Variants in GARIN2 observed in about 807,000 individuals in gnomAD.
GARIN2 encodes golgi associated RAB2 interactor family member 2.
At chr14:67,208,406 A>G in the GARIN2 span, 1 of 1,614,018 alleles carries the variant, frequency 6.2e-7, no homozygotes, top group Admixed American at 1.7e-5. Flanking sequence ...TGAAGAAAAG[A>G]TGCCTGATTT....
the GARIN2 span, among the ~76,000 whole-genome samples, chr14:67,195,268 T>C: frequency 1.8e-4 from 27 of 152,336 alleles, no homozygotes; most frequent in Non-Finnish European, 3.5e-4. Context: ...GACCCAGTCG[T>C]GGCTGCAAAT....
At chr14:67,204,405 GCA>G in the GARIN2 span, 1 of 1,289,224 alleles carries the variant, frequency 7.8e-7, no homozygotes, top group African/African-American at 1.5e-5. Context: ...CATCACCACT[GCA>G]CTCCAACGTG....
chr14:67,224,082 A>C, the GARIN2 span: 2 of 810,012 alleles, frequency 2.5e-6, no homozygotes, highest in Non-Finnish European at 3.0e-6. Flanking sequence ...CATGATCTCA[A>C]ATTCATCTCT....
the GARIN2 span, among the ~76,000 whole-genome samples, chr14:67,223,099 A>G: frequency 6.7e-6 from 1 of 148,994 alleles, no homozygotes; most frequent in South Asian, 2.1e-4. Context: ...TCCTGGGTTC[A>G]AGTGATTCCC....
At chr14:67,224,122 A>AT in the GARIN2 span, 4 of 556,206 alleles carry the variant, frequency 7.2e-6, no homozygotes, top group Non-Finnish European at 9.1e-6. Context: ...CGAAAGTTAA[A>AT]TTTTTTTTCT....
At chr14:67,226,282 C>A in the GARIN2 span, among the ~76,000 whole-genome samples, 1 of 152,194 alleles carries the variant, frequency 6.6e-6, no homozygotes. Context: ...ACCTCTGCCT[C>A]CTGGGTTCAA....
At chr14:67,208,094 C>A in the GARIN2 span, 2 of 1,461,352 alleles carry the variant, frequency 1.4e-6, no homozygotes, top group Non-Finnish European at 1.8e-6. Context: ...CTCACGGGTG[C>A]TCAGTGACGA....
the GARIN2 span, among the ~76,000 whole-genome samples, chr14:67,216,396 A>C: frequency 6.6e-6 from 1 of 151,622 alleles, no homozygotes; most frequent in South Asian, 2.1e-4. Flanking sequence ...TTCAGTCTCC[A>C]TTTCATTTAT....
the GARIN2 span, chr14:67,199,465 C>A: frequency 6.2e-7 from 1 of 1,612,874 alleles, no homozygotes; most frequent in Non-Finnish European, 8.5e-7. Context: ...TTATGTGGGA[C>A]CCTGACACAG....
the GARIN2 span, chr14:67,224,497 T>A: frequency 5.9e-6 from 1 of 170,194 alleles, no homozygotes; most frequent in African/African-American, 2.4e-5. Flanking sequence ...CCTGACCTCA[T>A]GATCCGCCCA....
chr14:67,220,379 C>G, the GARIN2 span, among the ~76,000 whole-genome samples: 1 of 151,620 alleles, frequency 6.6e-6, no homozygotes, highest in Non-Finnish European at 1.5e-5. Context: ...GAGGTCAAGG[C>G]TGCAAAGAGC....
the GARIN2 span, among the ~76,000 whole-genome samples, chr14:67,222,317 C>T: frequency 1.0e-3 from 157 of 152,202 alleles, no homozygotes; most frequent in African/African-American, 3.5e-3. Context: ...TTTTGTGAGG[C>T]GTAGTCTCTG....
At chr14:67,208,591 C>T in the GARIN2 span, 3 of 938,940 alleles carry the variant, frequency 3.2e-6, no homozygotes, top group African/African-American at 5.0e-5. Flanking sequence ...ATGATATAGT[C>T]AACTCTGAAT....
the GARIN2 span, among the ~76,000 whole-genome samples, chr14:67,218,792 AG>A: frequency 6.6e-6 from 1 of 151,840 alleles, no homozygotes; most frequent in African/African-American, 2.4e-5. Flanking sequence ...CTCTCATTTG[AG>A]GGTGTGTATG....
chr14:67,197,286 G>T, the GARIN2 span: 1 of 152,142 alleles, frequency 6.6e-6, no homozygotes, highest in East Asian at 1.9e-4. Flanking sequence ...ATCATGAAAA[G>T]GAGGAAGCTC....
chr14:67,199,157 GTTTC>G, the GARIN2 span: 1 of 1,586,262 alleles, frequency 6.3e-7, no homozygotes, highest in Non-Finnish European at 8.7e-7. Context: ...TGTGGGAACT[GTTTC>G]TCCAGGCTGG....
At chr14:67,205,230 G>A in the GARIN2 span, 3 of 821,056 alleles carry the variant, frequency 3.7e-6, no homozygotes, top group Non-Finnish European at 5.5e-6. Flanking sequence ...TTAATAGTGA[G>A]ATTAAATCTC....
chr14:67,197,599 C>A, the GARIN2 span, among the ~76,000 whole-genome samples: 2 of 152,088 alleles, frequency 1.3e-5, no homozygotes, highest in Non-Finnish European at 2.9e-5. Context: ...CTTAGAGTCT[C>A]ATAAGGAGCG....
At chr14:67,204,275 A>G in the GARIN2 span, among the ~76,000 whole-genome samples, 1 of 152,054 alleles carries the variant, frequency 6.6e-6, no homozygotes, top group African/African-American at 2.4e-5. Flanking sequence ...TGTCTCTACA[A>G]AAAAATGCAA....
Sources: allele counts gnomAD v4.1 joint callset (sites outside exome capture counted in the v4.1 genomes callset), GRCh38; gene constraint gnomAD v4.1.1; transcripts MANE v1.5; gene names NCBI Gene and HGNC (gene_info 2026-07-23, HGNC 2026-07-21).